ECHDC2: variants seen among roughly 807,000 people sequenced by gnomAD.
ECHDC2 encodes enoyl-CoA hydratase domain-containing protein 2, mitochondrial.
ECHDC2 carries 34 observed loss-of-function variants against 40.6 expected under a neutral mutation model. The ratio of observed to expected loss-of-function variants is 0.84; its 90% CI spans 0.64 to 1.11. The LOEUF (loss-of-function observed/expected upper bound fraction) is 1.11. Among genes scored for constraint, ECHDC2 ranks in the 50% most tolerant of loss-of-function variants. The pLI, the probability that ECHDC2 is intolerant of heterozygous loss-of-function variation, is 0.00. For synonymous variants in ECHDC2, 162 were observed against 166.6 expected (o/e 0.97, Z 0.21); for missense variants, 392 against 400.7 (o/e 0.98, Z 0.19).
chr1:52,907,757 A>T, intron 4 of ECHDC2, 111 bp downstream of exon 4: 1 of 959,190 alleles, frequency 1.0e-6, no homozygotes, highest in Non-Finnish European at 1.6e-6. Context: ...CTGTCTTATC[A>T]CAGAACTCCA....
intron 3 of ECHDC2, 79 bp downstream of exon 3, chr1:52,911,487 T>C: frequency 7.3e-7 from 1 of 1,377,420 alleles, no homozygotes; most frequent in South Asian, 1.2e-5. Flanking sequence ...ATGCTGAAGC[T>C]GATCTAAGGT....
chr1:52,921,368 G>C (rs1651846685), intron 1 of ECHDC2, 185 bp downstream of exon 1: 8 of 1,351,822 alleles, frequency 5.9e-6, no homozygotes, highest in Admixed American at 6.7e-5. Flanking sequence ...CCCCCAGCTA[G>C]AGTCTGGAGC....
At chr1:52,915,129 A>C in intron 1 of ECHDC2, 2 of 438,014 alleles carry the variant, frequency 4.6e-6, no homozygotes, top group South Asian at 3.2e-5. Flanking sequence ...AGGAGCTCAC[A>C]CCCTTATCAT....
Position 52,921,720 on chromosome 1 carries a change from C to T in ECHDC2, c.-47G>A. ...AGGTGCTTCTCCGGCCCTGCACCGT[C>T]TCGGCTCCCGCTGAGAGCTCGCAGT... On this transcript the variant is annotated 5_prime_UTR_variant, in exon 1 of 10. Coordinates refer to ENST00000371522, the MANE Select transcript of ECHDC2 (RefSeq NM_001198961.2). 1 of 1,435,892 alleles carries T rather than the reference C, an allele frequency of 7.0e-7. No individual in the cohort carries two copies. Among genetic ancestry groups the T allele is most frequent in the South Asian group, 1.5e-5 (1 of 67,946 alleles). 88.9% of individuals were successfully genotyped at this position (1,435,892 alleles called of 1,614,324 possible).
chr1:52,921,443 G>A, intron 1 of ECHDC2, 110 bp downstream of exon 1: 2 of 1,449,816 alleles, frequency 1.4e-6, no homozygotes, highest in South Asian at 1.4e-5. Flanking sequence ...TGGGAGGGAG[G>A]GACTGGGGAT....
intron 1 of ECHDC2, among the ~76,000 whole-genome samples, chr1:52,919,753 T>G (rs1345780457): frequency 2.6e-5 from 4 of 152,230 alleles, no homozygotes; most frequent in African/African-American, 9.6e-5. Context: ...TCATTCCCTG[T>G]GAGGGCTCCG....
At chr1:52,921,244 T>C (rs1023135565) in intron 1 of ECHDC2, among the ~76,000 whole-genome samples, 4 of 152,138 alleles carry the variant, frequency 2.6e-5, no homozygotes, top group Non-Finnish European at 5.9e-5. Context: ...TAAACGCTCC[T>C]GGCCTGGGGG....
Position 52,896,607 on chromosome 1 carries a change from G to T in ECHDC2, c.802-10C>A, listed in dbSNP as rs1368747736. The T allele has an allele frequency of 2.5e-5, 41 of 1,612,644 alleles. No individual in the cohort carries two copies. Among genetic ancestry groups the T allele is most frequent in the Non-Finnish European group, 3.4e-5 (40 of 1,178,850 alleles). ...CCCGGGTTGGAATATTCTGCAACAA[G>T]GTACAAAATATTAGTTTTGGGGGAG... On this transcript the variant is annotated splice_polypyrimidine_tract_variant and intron_variant, in intron 9 of 9. Transcript: ENST00000371522.
At chr1:52,915,613 A>G (rs1650508325) in intron 1 of ECHDC2, among the ~76,000 whole-genome samples, 1 of 152,168 alleles carries the variant, frequency 6.6e-6, no homozygotes, top group African/African-American at 2.4e-5. Flanking sequence ...TGCAGTGGAT[A>G]GAGAGATGCC....
At chr1:52,908,566 A>G (rs476965) in intron 3 of ECHDC2, among the ~76,000 whole-genome samples, 3,386 of 152,296 alleles carry the variant, frequency 0.022, 128 homozygotes, top group African/African-American at 0.077. Context: ...TGTAAATCAT[A>G]TATCTGATAA....
At chr1:52,902,652 CTTTGT>C (rs1322579108) in intron 7 of ECHDC2, among the ~76,000 whole-genome samples, 1 of 152,132 alleles carries the variant, frequency 6.6e-6, no homozygotes, top group African/African-American at 2.4e-5. Context: ...GTATGGTTAA[CTTTGT>C]TTTGTGACAT....
intron 5 of ECHDC2, 140 bp from the exon 6 acceptor site, chr1:52,905,230 G>A (rs567352005): frequency 3.4e-6 from 3 of 870,162 alleles, no homozygotes; most frequent in South Asian, 1.6e-5. Context: ...GGCCTCTCCA[G>A]ACTCTGCCTT....
chr1:52,899,549 G>C (rs1646858992), intron 7 of ECHDC2: 1 of 317,190 alleles, frequency 3.2e-6, no homozygotes, highest in South Asian at 4.3e-5. Context: ...TTCTAGGCTG[G>C]TGTCATCACT....
Position 52,907,856 on chromosome 1 carries a change from C to A in ECHDC2, c.364+12G>T. ...CCAAACCCCCTCCTCCACCCCACAC[C>A]CAGATCCTCACCGATGTCATTCATC... On this transcript the variant is annotated intron_variant, in intron 4 of 9. Coordinates refer to ENST00000371522, the MANE Select transcript of ECHDC2 (RefSeq NM_001198961.2). 6.2e-7 allele frequency: 1 copy of A among 1,612,390 alleles called. No individual in the cohort carries two copies. The highest frequency in any genetic ancestry group is 1.1e-5 in the South Asian group (1 of 90,964).
At position 52,911,623 on chromosome 1, in the gene ECHDC2, C is replaced by T. The variant is rs763325358; in HGVS notation, c.220G>A (p.Asp74Asn). The T allele has an allele frequency of 1.2e-6, 2 of 1,614,188 alleles. No individual in the cohort carries two copies. The highest frequency in any genetic ancestry group is 1.7e-6 in the Non-Finnish European group (2 of 1,180,034). The change falls in exon 3 of 10, where the codon GAC (aspartate) becomes AAC (asparagine). Residue 74 changes from aspartate to asparagine, a missense_variant. Physicochemically the swap from Asp to Asn is conservative, Grantham distance 23. Coordinates refer to ENST00000371522, the MANE Select transcript of ECHDC2 (RefSeq NM_001198961.2). ...LLETLAQLRE[D>N]RQVRVLLFRS... ...AAGAGCAGGACACGCACTTGCCGGT[C>T]CTCCCGCAGCTGGGCCAGAGTTTCC... is the stretch of plus-strand genomic sequence containing the variant.
chr1:52,917,165 T>G (rs1572000244), intron 1 of ECHDC2, among the ~76,000 whole-genome samples: 1 of 146,932 alleles, frequency 6.8e-6, no homozygotes, highest in Non-Finnish European at 1.5e-5. Context: ...GAGGCTGCAG[T>G]GGGCCGAGAT....
At chr1:52,921,354 C>A in intron 1 of ECHDC2, 199 bp downstream of exon 1, 3 of 1,307,862 alleles carry the variant, frequency 2.3e-6, no homozygotes, top group East Asian at 2.9e-5. Flanking sequence ...CCAGAGGCCC[C>A]CCGCCCCCAG....
chr1:52,897,602 G>GAATTTCCCTCCTAGAGAAGA, intron 8 of ECHDC2, 118 bp from the exon 9 acceptor site: 1 of 966,746 alleles, frequency 1.0e-6, no homozygotes, highest in Non-Finnish European at 1.7e-6. Context: ...CTATGAGAAG[G>GAATTTCCCTCCTAGAGAAGA]AATTTCCCTC....
intron 8 of ECHDC2, chr1:52,897,707 C>A: frequency 1.7e-6 from 1 of 602,752 alleles, no homozygotes; most frequent in Non-Finnish European, 3.0e-6. Context: ...TTCTCCTTCC[C>A]ATCCGGCTGC....
Sources: allele counts gnomAD v4.1 joint callset (sites outside exome capture counted in the v4.1 genomes callset), GRCh38; gene constraint gnomAD v4.1.1; transcripts MANE v1.5; gene names NCBI Gene and HGNC (gene_info 2026-07-23, HGNC 2026-07-21).